PAXIP1: variants seen among roughly 807,000 people sequenced by gnomAD.
PAXIP1 encodes PAX interacting protein 1, also known as PAX-interacting protein 1.
In PAXIP1, 19 loss-of-function variants were observed where a neutral mutation model predicts 140.6. The ratio of observed to expected loss-of-function variants is 0.14; its 90% confidence interval spans 0.09 to 0.20. PAXIP1 has a LOEUF of 0.20. Among genes scored for constraint, PAXIP1 ranks in the 10% least tolerant of loss-of-function variants. PAXIP1 has a pLI of 1.00. For synonymous variants in PAXIP1, 442 were observed against 444.6 expected (o/e 0.99, Z 0.07); for missense variants, 920 against 1,208.6 (o/e 0.76, Z 3.54).
intron 14 of PAXIP1, among the ~76,000 whole-genome samples, chr7:154,955,882 A>ACTTTAG (rs1164875931): frequency 6.6e-6 from 1 of 152,168 alleles, no homozygotes; most frequent in Non-Finnish European, 1.5e-5. Flanking sequence ...TAAGATCAAT[A>ACTTTAG]CTTTCTTCTT....
intron 2 of PAXIP1, 79 bp from the exon 3 acceptor site, chr7:154,993,848 A>G: frequency 9.6e-7 from 1 of 1,041,634 alleles, no homozygotes; most frequent in South Asian, 1.4e-5. Context: ...GTTCTTAGAA[A>G]TTAAAAGTCT....
intron 5 of PAXIP1, among the ~76,000 whole-genome samples, chr7:154,982,607 T>C (rs965124911): frequency 2.0e-5 from 3 of 152,166 alleles, no homozygotes; most frequent in African/African-American, 7.2e-5. Flanking sequence ...CACATCGGCC[T>C]CCCAAAGTGC....
In PAXIP1 at chr7:154,997,165, G is replaced by A. The variant is rs186051156; in HGVS notation, c.216+1485C>T. ...AGTTTCCGACCCTGGGTACCAGGGA[G>A]GTCACCACTTCCCAGCAGCCAGGTG... On this transcript the variant is annotated intron_variant, in intron 2 of 20. Transcript: ENST00000404141. Among the ~76,000 whole-genome samples the A allele has an allele frequency of 7.2e-5, 11 of 152,342 alleles. No homozygotes were observed. In the East Asian group the frequency reaches 2.1e-3, roughly 29 times the overall value.
At chr7:154,984,498 C>T (rs1428597686) in intron 4 of PAXIP1, among the ~76,000 whole-genome samples, 1 of 152,184 alleles carries the variant, frequency 6.6e-6, no homozygotes, top group Non-Finnish European at 1.5e-5. Context: ...TAGCATTGTT[C>T]ATCTACTCTC....
In PAXIP1 at chr7:154,968,869, C is replaced by A; in HGVS notation, c.1332G>T (p.Pro444=). The A allele has an allele frequency of 1.1e-6, 1 of 879,484 alleles. No individual in the cohort carries two copies. The highest frequency in any genetic ancestry group is 1.9e-6 in the Non-Finnish European group (1 of 533,742). 54.5% of individuals were successfully genotyped at this position (879,484 alleles called of 1,614,324 possible). A position where few individuals can be genotyped will look rare whatever the true frequency, so the allele number is the denominator to read the frequency against. The change falls in exon 7 of 21, where the codon CCG becomes CCT. Residue 444 remains proline, a synonymous_variant. Coordinates refer to ENST00000404141, the MANE Select transcript of PAXIP1 (RefSeq NM_007349.4). ...QISQQPYPQQ[P]PHPFSQQQQQ... is the part of the protein sequence containing the mutation. Reference sequence around the variant, plus strand: ...GCTGTTGCTGTGAAAATGGATGCGGCGGCTGCTGGGGGTAAGGTTGCTGAG... The same window carrying A: ...GCTGTTGCTGTGAAAATGGATGCGGAGGCTGCTGGGGGTAAGGTTGCTGAG...
intron 1 of PAXIP1, 56 bp downstream of exon 1, chr7:155,002,793 G>A (rs1810986768): frequency 2.0e-6 from 2 of 1,023,978 alleles, no homozygotes; most frequent in East Asian, 8.3e-5. Flanking sequence ...GACGGGGACG[G>A]GGACGGACGG....
chr7:154,987,101 T>A (rs1289053007), intron 4 of PAXIP1, among the ~76,000 whole-genome samples: 1 of 152,194 alleles, frequency 6.6e-6, no homozygotes, highest in Admixed American at 6.5e-5. Flanking sequence ...CACCTAGTTG[T>A]TTCTTTATGG....
At position 154,954,200 on chromosome 7, in the gene PAXIP1, G is replaced by GA. The variant is rs376799795; in HGVS notation, c.2821+54dup. The GA allele has an allele frequency of 0.011, 12,085 of 1,080,756 alleles. No homozygotes were observed. The highest frequency in any genetic ancestry group is 0.013 in the Non-Finnish European group (10,390 of 811,984). 66.9% of individuals were successfully genotyped at this position (1,080,756 alleles called of 1,614,324 possible). On this transcript the variant is annotated intron_variant, in intron 16 of 20. Transcript: ENST00000404141. The surrounding 1 kb of genome is among the most constrained non-coding windows in gnomAD (Gnocchi z 5.1). ...TTGGGATGAAAAGAGATGAATTCAA[G>GA]AAAAAAAAAAGTTTATTTGGCATTA... is the stretch of plus-strand genomic sequence containing the variant.
intron 5 of PAXIP1, among the ~76,000 whole-genome samples, chr7:154,976,775 TGGC>T (rs1329586152): frequency 6.6e-6 from 1 of 152,124 alleles, no homozygotes; most frequent in East Asian, 1.9e-4. Flanking sequence ...TCATGGAGCA[TGGC>T]TGACTTGGCT....
intron 3 of PAXIP1, among the ~76,000 whole-genome samples, chr7:154,991,920 GT>G (rs1328774994): frequency 6.6e-6 from 1 of 152,112 alleles, no homozygotes; most frequent in Non-Finnish European, 1.5e-5. Flanking sequence ...TCTATTCCAA[GT>G]TTGAAGTCTC....
At chr7:154,983,482 G>C (rs961028876) in intron 4 of PAXIP1, 150 bp from the exon 5 acceptor site, 6 of 573,622 alleles carry the variant, frequency 1.0e-5, no homozygotes, top group African/African-American at 9.9e-5. Flanking sequence ...GAAGCTTTTA[G>C]CTATCTGCTT....
intron 1 of PAXIP1, 53 bp downstream of exon 1, chr7:155,002,796 A>G: frequency 5.9e-6 from 6 of 1,025,206 alleles, no homozygotes; most frequent in East Asian, 4.2e-5. Flanking sequence ...GGGGACGGGG[A>G]CGGACGGGGA....
At chr7:154,981,455 T>C (rs1218856737) in intron 5 of PAXIP1, among the ~76,000 whole-genome samples, 1 of 152,212 alleles carries the variant, frequency 6.6e-6, no homozygotes, top group Admixed American at 6.5e-5. Context: ...AAAAAAGAGT[T>C]ATCTTTCTTT....
intron 6 of PAXIP1, among the ~76,000 whole-genome samples, chr7:154,970,904 C>A (rs1809281825): frequency 1.3e-5 from 2 of 152,160 alleles, no homozygotes; most frequent in Non-Finnish European, 2.9e-5. Context: ...GTAAACAGCC[C>A]ATGGAACTCT....
intron 11 of PAXIP1, among the ~76,000 whole-genome samples, 178 bp downstream of exon 11, chr7:154,961,349 A>T (rs1808746264): frequency 6.6e-6 from 1 of 152,216 alleles, no homozygotes; most frequent in Non-Finnish European, 1.5e-5. Flanking sequence ...TCATTAATTC[A>T]AATGTTTTCT....
In PAXIP1 at chr7:154,993,736, T is replaced by C; in HGVS notation, c.250A>G (p.Thr84Ala). The C allele has an allele frequency of 6.3e-7, 1 of 1,592,722 alleles. No homozygotes were observed. Among genetic ancestry groups the C allele is most frequent in the Admixed American group, 1.8e-5 (1 of 57,140 alleles). The change falls in exon 3 of 21, where the codon ACT becomes GCT. Residue 84 changes from threonine to alanine, a missense_variant. By Grantham distance (58) the Thr-to-Ala change is moderately conservative (BLOSUM62 0). Transcript: ENST00000404141. ...CAAAAAAAAGGATACGGCAGAAGAG[T>C]TCCACACTGAACGGACAGAATCACC... is the stretch of plus-strand genomic sequence containing the variant. The part of the protein sequence containing the change: ...SWVILSVQCG[T>A]LLPVNGFSPE...
chr7:154,947,870 C>G, intron 17 of PAXIP1, 33 bp downstream of exon 17: 1 of 1,456,452 alleles, frequency 6.9e-7, no homozygotes, highest in Non-Finnish European at 9.7e-7. Context: ...GTTATGCTTA[C>G]TTGGACTGAT....
chr7:154,982,015 T>C (rs935123448), intron 5 of PAXIP1, among the ~76,000 whole-genome samples: 4 of 152,314 alleles, frequency 2.6e-5, no homozygotes, highest in African/African-American at 9.6e-5. Flanking sequence ...CAGTGCCTCT[T>C]AAATTGTCAT....
In PAXIP1 at chr7:154,983,316, C is replaced by T; in HGVS notation, c.341G>A (p.Arg114Lys). 1 of 1,599,864 alleles carries T rather than the reference C, an allele frequency of 6.3e-7. No individual in the cohort carries two copies. Among genetic ancestry groups the T allele is most frequent in the African/African-American group, 1.3e-5 (1 of 74,736 alleles). The change falls in exon 5 of 21, where the codon AGA becomes AAA. Residue 114 changes from arginine (R) to lysine (K), a missense_variant. By Grantham distance (26) the Arg-to-Lys change is conservative (BLOSUM62 2). This residue lies in a region of PAXIP1 where 419 missense variants were observed against 514.7 expected (regional missense o/e 0.81). Coordinates refer to ENST00000404141, the MANE Select transcript of PAXIP1 (RefSeq NM_007349.4). ...ACLSQVSSED[R>K]SALWALVTFY... is the part of the protein sequence containing the mutation. ...CGTAACCAAAGCCCACAGGGCACTTCTGTCTTCAGATGACACCTGACAGAA... is the reference window on the plus strand; with the variant it reads ...CGTAACCAAAGCCCACAGGGCACTTTTGTCTTCAGATGACACCTGACAGAA...
Sources: allele counts gnomAD v4.1 joint callset (sites outside exome capture counted in the v4.1 genomes callset), GRCh38; gene constraint gnomAD v4.1.1; regional missense constraint gnomAD v4.1.1; non-coding constraint Gnocchi (gnomAD v3.1); transcripts MANE v1.5; gene names NCBI Gene and HGNC (gene_info 2026-07-23, HGNC 2026-07-21).